The following PIK3CD variants were observed in gnomAD, a reference collection of about 807,000 sequenced individuals.
PIK3CD encodes phosphatidylinositol 4,5-bisphosphate 3-kinase catalytic subunit delta isoform.
Under a neutral mutation model 122.9 loss-of-function variants are expected in PIK3CD, and 20 were observed. The observed-to-expected ratio is 0.16, with a 90% CI of 0.11 to 0.24. The LOEUF (loss-of-function observed/expected upper bound fraction) is 0.24, where lower values mean the gene tolerates loss of function less well. Among genes scored for constraint, PIK3CD ranks in the 10% least tolerant of loss-of-function variants. The probability of loss-of-function intolerance (pLI) is 1.00; values close to 1 mark genes in which losing one functional copy is unlikely to be tolerated. For synonymous variants in PIK3CD, 596 were observed against 593.4 expected, an observed-to-expected ratio of 1.00 and a Z score of -0.06; for missense variants, 787 against 1,406.3, an observed-to-expected ratio of 0.56 and a Z score of 7.04.
chr1:9,711,590 T>C (rs1483853286), intron 3 of PIK3CD, among the ~76,000 whole-genome samples: 4 of 152,160 alleles, frequency 2.6e-5, no homozygotes, highest in African/African-American at 9.7e-5. Flanking sequence ...ATTTTTTTTT[T>C]TGAGATGGGG....
At chr1:9,726,778 G>A (rs1375332194) in intron 23 of PIK3CD, 131 bp from the exon 24 acceptor site, 3 of 1,185,516 alleles carry the variant, frequency 2.5e-6, no homozygotes, top group Non-Finnish European at 3.6e-6. Flanking sequence ...GGAATAGAGA[G>A]CTTTTCCTGA....
chr1:9,627,364 C>T, the PIK3CD span, among the ~76,000 whole-genome samples: 1 of 152,254 alleles, frequency 6.6e-6, no homozygotes, highest in Admixed American at 6.5e-5. Flanking sequence ...ACCTCCACAG[C>T]TGGCTTCACA....
Position 9,727,064 on chromosome 1 carries a change from G to A in PIK3CD, c.*18G>A, listed in dbSNP as rs1649771046. The A allele has an allele frequency of 6.2e-7, 1 of 1,613,900 alleles. No individual in the cohort carries two copies. The highest frequency in any genetic ancestry group is 8.5e-7 in the Non-Finnish European group (1 of 1,179,966). On this transcript the variant is annotated 3_prime_UTR_variant, in exon 24 of 24. Coordinates refer to ENST00000377346, the MANE Select transcript of PIK3CD (RefSeq NM_005026.5). ...GGCAGTAGTGGCTCCTCCCAGCCCT[G>A]GGCCCAAGAGGAGGCGGCTGCGGGT...
At chr1:9,703,458 AC>A (rs1446361968) in intron 2 of PIK3CD, among the ~76,000 whole-genome samples, 1 of 152,054 alleles carries the variant, frequency 6.6e-6, no homozygotes, top group Non-Finnish European at 1.5e-5. Context: ...AAAAAAACCA[AC>A]AAAAACGTAA....
chr1:9,707,088 C>T (rs970535280), intron 2 of PIK3CD, among the ~76,000 whole-genome samples: 6 of 151,542 alleles, frequency 4.0e-5, no homozygotes, highest in Non-Finnish European at 8.8e-5. Context: ...ACTGGGATTA[C>T]AGGCATGAGC....
At chr1:9,716,850 C>A (rs1647555689) in intron 6 of PIK3CD, 109 bp from the exon 7 acceptor site, 1 of 1,499,784 alleles carries the variant, frequency 6.7e-7, no homozygotes, top group Non-Finnish European at 9.2e-7. Context: ...CCTCCCCTCT[C>A]CCAAGGCCTA....
Position 9,721,821 on chromosome 1 carries a change from C to T in PIK3CD, c.2016C>T (p.Cys672=). Residue 672 remains cysteine, a synonymous_variant, in exon 16 of 24, where the codon TGC becomes TGT. Coordinates refer to ENST00000377346, the MANE Select transcript of PIK3CD (RefSeq NM_005026.5). ...TCGGCCTCATCCTGGAGGCCTACTG[C>T]AGGGGCAGCACCCACCACATGAAGG... ...LRFGLILEAY[C]RGSTHHMKVL... 6.2e-7 allele frequency: 1 copy of T among 1,613,210 alleles called. No homozygotes were observed. Among genetic ancestry groups the T allele is most frequent in the Non-Finnish European group, 8.5e-7 (1 of 1,179,944 alleles).
intron 1 of PIK3CD, among the ~76,000 whole-genome samples, chr1:9,686,475 T>C (rs1645971622): frequency 6.6e-6 from 1 of 152,042 alleles, no homozygotes; most frequent in African/African-American, 2.4e-5. Context: ...GTGCTGAGAT[T>C]ACAGGCGTGA....
At chr1:9,694,736 G>A (rs1646336872) in intron 2 of PIK3CD, among the ~76,000 whole-genome samples, 1 of 152,220 alleles carries the variant, frequency 6.6e-6, no homozygotes, top group South Asian at 2.1e-4. Context: ...GCTGAGGCAG[G>A]AGGATCGCTT....
chr1:9,635,757 G>A, the PIK3CD span, among the ~76,000 whole-genome samples: 1 of 152,254 alleles, frequency 6.6e-6, no homozygotes, highest in African/African-American at 2.4e-5. Context: ...AGCTGCAACT[G>A]GTTGAGGCTC....
intron 3 of PIK3CD, among the ~76,000 whole-genome samples, chr1:9,711,136 T>G (rs1647037873): frequency 6.6e-6 from 1 of 151,870 alleles, no homozygotes; most frequent in African/African-American, 2.4e-5. Flanking sequence ...CTCTGTCACC[T>G]AGGCTGGAGT....
At position 9,710,935 on chromosome 1, in the gene PIK3CD, A is replaced by G. The variant is rs946268723; in HGVS notation, c.141+339A>G. ...TGAGTAGCTGGGATTACAGGCATGC[A>G]CCATCACGCCCAACTAATTTTGTAT... On this transcript the variant is annotated intron_variant, in intron 3 of 23. Coordinates refer to ENST00000377346, the MANE Select transcript of PIK3CD (RefSeq NM_005026.5). The surrounding 1 kb of genome is among the most constrained non-coding windows in gnomAD (Gnocchi z 4.7). Among the ~76,000 whole-genome samples the G allele has an allele frequency of 2.6e-5, 4 of 151,866 alleles. No individual in the cohort carries two copies. Among genetic ancestry groups the G allele is most frequent in the Non-Finnish European group, 4.4e-5 (3 of 67,960 alleles).
chr1:9,726,469 C>G (rs538710114), intron 23 of PIK3CD, among the ~76,000 whole-genome samples: 220 of 152,028 alleles, frequency 1.4e-3, no homozygotes, highest in African/African-American at 5.1e-3. Context: ...AGATCATGCC[C>G]CTGCACTCCA....
At chr1:9,672,985 C>T (rs1645379011) in intron 1 of PIK3CD, among the ~76,000 whole-genome samples, 1 of 152,058 alleles carries the variant, frequency 6.6e-6, no homozygotes, top group Non-Finnish European at 1.5e-5. Context: ...TGTCAGTGTA[C>T]ATTGGTTCCC....
intron 1 of PIK3CD, among the ~76,000 whole-genome samples, chr1:9,675,019 TA>T (rs35270071): frequency 0.035 from 2,599 of 73,914 alleles, 59 homozygotes; most frequent in African/African-American, 0.1. Context: ...CTGGGCAATG[TA>T]AAAAAAAAAA....
chr1:9,682,846 G>T (rs1570199764), intron 1 of PIK3CD, among the ~76,000 whole-genome samples: 1 of 152,260 alleles, frequency 6.6e-6, no homozygotes, highest in East Asian at 1.9e-4. Context: ...CACCACTGGG[G>T]TTTTAAATGT....
chr1:9,636,587 T>C, the PIK3CD span, among the ~76,000 whole-genome samples: 1 of 152,196 alleles, frequency 6.6e-6, no homozygotes, highest in African/African-American at 2.4e-5. Context: ...TGCTCTTCCA[T>C]TGAGTGGATG....
At position 9,727,563 on chromosome 1, in the gene PIK3CD, G is replaced by A. The variant is rs573050799; in HGVS notation, c.*517G>A. 33 of 237,098 alleles carry A rather than the reference G, an allele frequency of 1.4e-4. No individual in the cohort carries two copies. The highest frequency in any genetic ancestry group is 6.3e-4 in the African/African-American group (28 of 44,512). 14.7% of individuals were successfully genotyped at this position (237,098 alleles called of 1,614,324 possible). On this transcript the variant is annotated 3_prime_UTR_variant, in exon 24 of 24. Transcript: ENST00000377346. ...GATGCTTGCTCTCCACTTTTCAAGT[G>A]GGTCTTGGGTACGAGAATTCCCTCA...
chr1:9,650,354 T>C (rs988420767), upstream of PIK3CD, among the ~76,000 whole-genome samples: 13 of 152,080 alleles, frequency 8.5e-5, no homozygotes, highest in African/African-American at 2.9e-4. Flanking sequence ...CCCAGGAGGC[T>C]GAGGCTGTGG....
Sources: allele counts gnomAD v4.1 joint callset (sites outside exome capture counted in the v4.1 genomes callset), GRCh38; gene constraint gnomAD v4.1.1; non-coding constraint Gnocchi (gnomAD v3.1); transcripts MANE v1.5; gene names NCBI Gene and HGNC (gene_info 2026-07-23, HGNC 2026-07-21).